ANKRD27: variants seen among roughly 807,000 people sequenced by gnomAD.
The protein encoded by ANKRD27 is ankyrin repeat domain 27.
In ANKRD27, 112 loss-of-function variants were observed where a neutral mutation model predicts 129.7. That is an observed-to-expected ratio of 0.86 (90% CI 0.74 to 1.01). ANKRD27 has a LOEUF of 1.01. ANKRD27 is among the 50% of genes least tolerant of loss of function. The pLI is 0.00. For synonymous variants in ANKRD27, 516 were observed against 511.2 expected (o/e 1.01, Z -0.13); for missense variants, 1,258 against 1,300.5 (o/e 0.97, Z 0.50).
chr19:32,652,928 AAAAG>A (rs1440026576), intron 2 of ANKRD27, among the ~76,000 whole-genome samples: 1 of 152,158 alleles, frequency 6.6e-6, no homozygotes, highest in African/African-American at 2.4e-5. Flanking sequence ...ACCCCATTTC[AAAAG>A]AAAGAAAGAA....
At chr19:32,607,166 A>AG (rs34054808) in intron 23 of ANKRD27, among the ~76,000 whole-genome samples, 8,348 of 104,038 alleles carry the variant, frequency 0.08, 443 homozygotes, top group East Asian at 0.21. Context: ...AAAAAAAAAA[A>AG]GGCAAAAAAC....
chr19:32,610,400 C>A, intron 22 of ANKRD27, among the ~76,000 whole-genome samples: 1 of 149,876 alleles, frequency 6.7e-6, no homozygotes, highest in Non-Finnish European at 1.5e-5. Flanking sequence ...CAAAAGGATC[C>A]CTTGGGCCCA....
At chr19:32,653,958 T>C (rs552263971) in intron 2 of ANKRD27, among the ~76,000 whole-genome samples, 1 of 152,196 alleles carries the variant, frequency 6.6e-6, no homozygotes, top group Non-Finnish European at 1.5e-5. Flanking sequence ...TGGAGTGCAG[T>C]GGCGTGATCT....
chr19:32,619,961 G>C lies in ANKRD27; in HGVS notation c.1828-408C>G, dbSNP rs1270218045. ...ACAGGTCTCAAGTAGGAACAGCTCA[G>C]AGCCAAGCCGAGAAGGCAGCCTCTC... On this transcript the variant is annotated intron_variant, in intron 18 of 28. Coordinates refer to ENST00000306065, the MANE Select transcript of ANKRD27 (RefSeq NM_032139.3). Among the ~76,000 whole-genome samples the C allele has an allele frequency of 2.0e-5, 3 of 152,124 alleles. No homozygotes were observed. The East Asian group carries it at 5.8e-4, about 29-fold the overall frequency.
intron 2 of ANKRD27, among the ~76,000 whole-genome samples, chr19:32,657,826 T>A (rs1255703927): frequency 1.3e-5 from 2 of 151,324 alleles, no homozygotes; most frequent in Non-Finnish European, 2.9e-5. Context: ...AACACAAAAA[T>A]TAGCTGGACG....
intron 1 of ANKRD27, among the ~76,000 whole-genome samples, chr19:32,662,469 G>A (rs1967665785): frequency 6.6e-6 from 1 of 152,106 alleles, no homozygotes; most frequent in Non-Finnish European, 1.5e-5. Flanking sequence ...GGGCACAATG[G>A]CTCACTCCTG....
At chr19:32,622,140 C>T (rs1972019727) in intron 18 of ANKRD27, among the ~76,000 whole-genome samples, 1 of 152,202 alleles carries the variant, frequency 6.6e-6, no homozygotes, top group East Asian at 1.9e-4. Context: ...AGCCTCGTTT[C>T]TACCCACTCC....
chr19:32,609,808 TATGTAA>T (rs1432473369), intron 22 of ANKRD27, among the ~76,000 whole-genome samples: 5 of 145,414 alleles, frequency 3.4e-5, no homozygotes, highest in African/African-American at 1.3e-4. Flanking sequence ...ACATATGCTT[TATGTAA>T]ATATAAATTA....
intron 12 of ANKRD27, among the ~76,000 whole-genome samples, chr19:32,634,357 A>G (rs1967051743): frequency 1.3e-5 from 2 of 152,246 alleles, no homozygotes; most frequent in South Asian, 4.1e-4. Context: ...TACAGGCCAC[A>G]GTAAATATAC....
chr19:32,622,603 A>G lies in ANKRD27; in HGVS notation c.1646T>C (p.Val549Ala), dbSNP rs1322723262. The G allele has an allele frequency of 6.2e-7, 1 of 1,613,504 alleles. No homozygotes were observed. Among genetic ancestry groups the G allele is most frequent in the Non-Finnish European group, 8.5e-7 (1 of 1,180,004 alleles). Residue 549 changes from valine to alanine, a missense_variant, in exon 18 of 29, where the codon GTT becomes GCT. Physicochemically the swap from Val to Ala is moderately conservative, Grantham distance 64. Coordinates refer to ENST00000306065, the MANE Select transcript of ANKRD27 (RefSeq NM_032139.3). ...YGHEDCVKAL[V>A]YYDVESCRLD... ...TCTGCACGACTCCACGTCGTAGTAA[A>G]CCAGAGCCTTCACACACTGCAAAGA...
At chr19:32,626,091 T>A in intron 16 of ANKRD27, 125 bp from the exon 17 acceptor site, 1 of 643,870 alleles carries the variant, frequency 1.6e-6, no homozygotes, top group Non-Finnish European at 2.5e-6. Flanking sequence ...CTATTCAAAT[T>A]AAACCAACAC....
chr19:32,600,489 C>G (rs145994521), intron 26 of ANKRD27, among the ~76,000 whole-genome samples: 2 of 151,920 alleles, frequency 1.3e-5, no homozygotes, highest in Non-Finnish European at 2.9e-5. Flanking sequence ...TGCAGTGAGC[C>G]GAGATTGCAC....
At position 32,673,776 on chromosome 19, in the gene ANKRD27, G is replaced by A. The variant is rs114556076; in HGVS notation, c.-31+1295C>T. Reference sequence around the variant, plus strand: ...AAGGACGGACCCCTGGGTGACAGCAGGCCCCGGGGCTCAGTACACCGGACC... The same window carrying A: ...AAGGACGGACCCCTGGGTGACAGCAAGCCCCGGGGCTCAGTACACCGGACC... On this transcript the variant is annotated intron_variant, in intron 1 of 28. Coordinates refer to ENST00000306065, the MANE Select transcript of ANKRD27 (RefSeq NM_032139.3). Among the ~76,000 whole-genome samples the A allele has an allele frequency of 2.6e-5, 4 of 152,086 alleles. No homozygotes were observed. The East Asian group carries it at 7.7e-4, about 29-fold the overall frequency.
In ANKRD27 at chr19:32,648,270, G is replaced by GA. The variant is rs201748086; in HGVS notation, c.213+1411dup. Among the ~76,000 whole-genome samples the GA allele has an allele frequency of 9.7e-3, 1,418 of 146,698 alleles. 13 individuals carry two copies. Among genetic ancestry groups the GA allele is most frequent in the African/African-American group, 0.032 (1,281 of 40,064 alleles). On this transcript the variant is annotated intron_variant, in intron 3 of 28. Transcript: ENST00000306065. ...GACAGAGTGAGACTCCGCCTCAAAA[G>GA]AAAAAAAAAATGTAGTGTGTGATTC...
intron 21 of ANKRD27, among the ~76,000 whole-genome samples, chr19:32,617,205 C>T (rs950062494): frequency 4.6e-5 from 7 of 152,160 alleles, no homozygotes; most frequent in African/African-American, 1.7e-4. Context: ...ACAAGAAACA[C>T]AGGTGGGTGG....
chr19:32,652,910 A>G (rs749404388), intron 2 of ANKRD27, among the ~76,000 whole-genome samples: 11 of 152,200 alleles, frequency 7.2e-5, no homozygotes, highest in Non-Finnish European at 1.2e-4. Flanking sequence ...TGGGAGTGAC[A>G]GATCAAGACC....
chr19:32,660,058 G>A (rs1327192126), intron 1 of ANKRD27, among the ~76,000 whole-genome samples: 1 of 152,178 alleles, frequency 6.6e-6, no homozygotes, highest in Admixed American at 6.6e-5. Context: ...CCAGGAGTTG[G>A]AGACCAGCCT....
chr19:32,603,238 C>T (rs934006697), intron 25 of ANKRD27, among the ~76,000 whole-genome samples: 1 of 152,108 alleles, frequency 6.6e-6, no homozygotes, highest in African/African-American at 2.4e-5. Context: ...GCAGAGGTTG[C>T]AGTGAGCCAA....
chr19:32,611,489 T>TA (rs757540755), intron 22 of ANKRD27, among the ~76,000 whole-genome samples: 2 of 152,222 alleles, frequency 1.3e-5, no homozygotes, highest in Non-Finnish European at 2.9e-5. Flanking sequence ...TCAATATCCT[T>TA]AGAGTCACCC....
Sources: allele counts gnomAD v4.1 joint callset (sites outside exome capture counted in the v4.1 genomes callset), GRCh38; gene constraint gnomAD v4.1.1; transcripts MANE v1.5; gene names NCBI Gene and HGNC (gene_info 2026-07-23, HGNC 2026-07-21).